The following SMC4 variants were observed in gnomAD, a reference collection of about 807,000 sequenced individuals.
SMC4 encodes structural maintenance of chromosomes 4, also known as structural maintenance of chromosomes protein 4.
Under a neutral mutation model 145.6 loss-of-function variants are expected in SMC4, and 87 were observed. That is an observed-to-expected ratio of 0.60 (90% CI 0.50 to 0.71). The LOEUF (loss-of-function observed/expected upper bound fraction) is 0.71, where lower values mean the gene tolerates loss of function less well. SMC4 is among the 30% of genes least tolerant of loss of function. SMC4 has a pLI of 0.00. For synonymous variants in SMC4, 558 were observed against 500.7 expected (o/e 1.11, Z -1.53); for missense variants, 1,447 against 1,537.1 (o/e 0.94, Z 0.98).
In SMC4 at chr3:160,420,880, A is replaced by G. The variant is rs1160332645; in HGVS notation, c.1998A>G (p.Ala666=). The change falls in exon 13 of 24, where the codon GCA becomes GCG. Residue 666 remains alanine, a synonymous_variant. Transcript: ENST00000357388. ...TTAAAAGACAAAATATTGGAGTTGC[A>G]ACCTTTATAGGTTTAGATAAGGTGG... ...NFLKRQNIGV[A]TFIGLDKMAV... 3.1e-6 allele frequency: 5 copies of G among 1,612,622 alleles called. No individual in the cohort carries two copies. In the South Asian group the frequency reaches 5.5e-5, roughly 18 times the overall value.
chr3:160,406,007 A>G (rs1422185426), intron 5 of SMC4, among the ~76,000 whole-genome samples: 1 of 152,036 alleles, frequency 6.6e-6, no homozygotes, highest in Non-Finnish European at 1.5e-5. Flanking sequence ...TAACCCTTCT[A>G]AGGATAATTT....
intron 17 of SMC4, among the ~76,000 whole-genome samples, chr3:160,426,940 G>T (rs1447158270): frequency 6.6e-6 from 1 of 152,156 alleles, no homozygotes; most frequent in African/African-American, 2.4e-5. Flanking sequence ...TTTGCTTTGT[G>T]AGCCAAGGAA....
chr3:160,428,842 C>T lies in SMC4; in HGVS notation c.2695C>T (p.Leu899Phe), dbSNP rs771454094. The change falls in exon 18 of 24, where the codon CTC becomes TTC. Residue 899 changes from leucine (L) to phenylalanine (F), a missense_variant. Leu to Phe is a conservative substitution (Grantham distance 22). Coordinates refer to ENST00000357388, the MANE Select transcript of SMC4 (RefSeq NM_001002800.3). ...CATCGTAGAAATCAATAATCATAAACTCAAGGCCCAACAAGACAAACTTGA... is the reference window on the plus strand; with the variant it reads ...CATCGTAGAAATCAATAATCATAAATTCAAGGCCCAACAAGACAAACTTGA... ...NTIVEINNHKLKAQQDKLDKI... is the reference protein window; with the variant it reads ...NTIVEINNHKFKAQQDKLDKI... 1 of 1,607,022 alleles carries T rather than the reference C, an allele frequency of 6.2e-7. No individual in the cohort carries two copies. The highest frequency in any genetic ancestry group is 2.2e-5 in the East Asian group (1 of 44,610).
chr3:160,407,622 G>C (rs1202127261), intron 5 of SMC4, among the ~76,000 whole-genome samples: 1 of 151,242 alleles, frequency 6.6e-6, no homozygotes, highest in Non-Finnish European at 1.5e-5. Context: ...ATTAACCTAG[G>C]TCTGAGTTGT....
intron 5 of SMC4, among the ~76,000 whole-genome samples, chr3:160,410,006 G>A (rs1228530098): frequency 6.6e-6 from 1 of 152,124 alleles, no homozygotes; most frequent in Non-Finnish European, 1.5e-5. Flanking sequence ...AGTCTGAAAG[G>A]TCAAGGCTGC....
At chr3:160,405,278 CCTAT>C (rs1284786901) in intron 5 of SMC4, among the ~76,000 whole-genome samples, 1 of 151,296 alleles carries the variant, frequency 6.6e-6, no homozygotes, top group African/African-American at 2.4e-5. Context: ...AGAAAAATCC[CCTAT>C]CTTTTTTTCC....
At chr3:160,413,914 G>C in intron 8 of SMC4, 1 of 305,650 alleles carries the variant, frequency 3.3e-6, no homozygotes, top group Non-Finnish European at 6.1e-6. Context: ...CTGATAGAGG[G>C]ATAGGATTTG....
chr3:160,432,613 TACA>T (rs1393764668), intron 22 of SMC4, 98 bp downstream of exon 22: 1 of 766,582 alleles, frequency 1.3e-6, no homozygotes, highest in Non-Finnish European at 2.1e-6. Context: ...AGGCAAGATG[TACA>T]ACTTGTTTCA....
rs1181121921 is a variant in SMC4, at chr3:160,409,912, ATTTTT to A, written c.688-2003_688-1999del. Among the ~76,000 whole-genome samples the A allele has an allele frequency of 2.0e-5, 3 of 151,670 alleles. No individual in the cohort carries two copies. The South Asian group carries it at 6.3e-4, about 32-fold the overall frequency. On this transcript the variant is annotated intron_variant, in intron 5 of 23. Transcript: ENST00000357388. Reference sequence around the variant, plus strand: ...AGGGACCACCATGTGTACAAAAAAAATTTTTTTTTAAAGATTAGCTGGGTGTGGTG... The same window carrying A: ...AGGGACCACCATGTGTACAAAAAAAATTTTAAAGATTAGCTGGGTGTGGTG...
chr3:160,414,599 C>G (rs1475449607), intron 9 of SMC4, 82 bp downstream of exon 9: 1 of 1,249,660 alleles, frequency 8.0e-7, no homozygotes, highest in African/African-American at 1.5e-5. Flanking sequence ...CCCTTATTGC[C>G]TAAGAGAATG....
rs1377267589 is a variant in SMC4 at position 160,404,358 on chromosome 3, A to G, written c.541A>G (p.Ser181Gly). ...EGDDYEVIPN[S>G]NFYVSRTACR... The stretch of plus-strand genomic sequence containing the variant: ...GGATGATTATGAAGTCATTCCTAAC[A>G]GTAATTTCTATGTATCCAGAACGGC... The change falls in exon 5 of 24, where the codon AGT becomes GGT. Residue 181 changes from serine to glycine, a missense_variant. Physicochemically the swap from Ser to Gly is moderately conservative, Grantham distance 56. Transcript: ENST00000357388. The G allele has an allele frequency of 6.9e-6, 11 of 1,604,462 alleles. No individual in the cohort carries two copies. Among genetic ancestry groups the G allele is most frequent in the African/African-American group, 4.0e-5 (3 of 74,292 alleles).
chr3:160,402,646 C>T (rs754324180), intron 3 of SMC4, 30 bp from the exon 4 acceptor site: 6 of 1,585,564 alleles, frequency 3.8e-6, no homozygotes, highest in African/African-American at 1.4e-5. Context: ...ATGAACTTTT[C>T]CGTGTTTTGT....
rs1716764745 is a variant in SMC4 at position 160,417,969 on chromosome 3, TTC to T, written c.1671+17_1671+18del. The T allele has an allele frequency of 6.3e-7, 1 of 1,591,020 alleles. No homozygotes were observed. The highest frequency in any genetic ancestry group is 8.6e-7 in the Non-Finnish European group (1 of 1,163,454). On this transcript the variant is annotated intron_variant, in intron 11 of 23. Coordinates refer to ENST00000357388, the MANE Select transcript of SMC4 (RefSeq NM_001002800.3). ...AGAATTAAAGGAGGTAAATCTTTGC[TTC>T]TCTGTTGCATCAGAACATCATTCGT...
chr3:160,413,583 C>G lies in SMC4; in HGVS notation c.1091C>G (p.Ala364Gly). The G allele has an allele frequency of 6.9e-7, 1 of 1,457,350 alleles. No individual in the cohort carries two copies. The highest frequency in any genetic ancestry group is 1.2e-5 in the South Asian group (1 of 80,802). The allele number at this position is 1,457,350 out of a possible 1,614,324, so 90.3% of individuals were successfully genotyped here. A position where few individuals can be genotyped will look rare whatever the true frequency, so the allele number is the denominator to read the frequency against. ...AATATACTATCAAATGAAATGAAAG[C>G]TAAGAATAAAGATGTAAAAGATACA... is the stretch of plus-strand genomic sequence containing the variant. ...KSNILSNEMK[A>G]KNKDVKDTEK... is the part of the protein sequence containing the mutation. The change falls in exon 8 of 24, where the codon GCT becomes GGT. Residue 364 changes from alanine (A) to glycine (G), a missense_variant. Coordinates refer to ENST00000357388, the MANE Select transcript of SMC4 (RefSeq NM_001002800.3).
At chr3:160,418,926 C>G (rs1050867904) in intron 11 of SMC4, among the ~76,000 whole-genome samples, 1 of 152,000 alleles carries the variant, frequency 6.6e-6, no homozygotes, top group East Asian at 1.9e-4. Context: ...TTCTCCAGTA[C>G]CCCCCAGCCC....
At chr3:160,430,508 A>G (rs1718283829) in intron 18 of SMC4, 91 bp from the exon 19 acceptor site, 1 of 1,127,706 alleles carries the variant, frequency 8.9e-7, no homozygotes, top group Non-Finnish European at 1.2e-6. Flanking sequence ...AAAATGTCAC[A>G]TTAAATTTCA....
rs567888979 is a variant in SMC4 at position 160,426,225 on chromosome 3, TG to T, written c.2605+31del. The T allele has an allele frequency of 1.8e-4, 278 of 1,552,604 alleles. 4 individuals are homozygous for T. In the South Asian group the frequency reaches 3.0e-3, roughly 17 times the overall value. Reference sequence around the variant, plus strand: ...GGTATGTTTAGAGATAGACCTTTTTTGGGGGGAAAAAAAAAACAGGTTTTTA... The same window carrying T: ...GGTATGTTTAGAGATAGACCTTTTTTGGGGGAAAAAAAAAACAGGTTTTTA... On this transcript the variant is annotated intron_variant, in intron 17 of 23. Coordinates refer to ENST00000357388, the MANE Select transcript of SMC4 (RefSeq NM_001002800.3).
rs773825511 is a variant in SMC4 at position 160,431,723 on chromosome 3, G to A, written c.3195G>A (p.Ala1065=). 1.5e-5 allele frequency: 24 copies of A among 1,613,556 alleles called. No homozygotes were observed. Among genetic ancestry groups the A allele is most frequent in the Admixed American group, 1.2e-4 (7 of 59,934 alleles). The part of the protein sequence containing the change: ...ISVLSPEDLE[A]IKNPDSITNQ... ...TTCTAAGCCCAGAGGATCTTGAAGCGATCAAGAATCCAGATTCTATAACAA... is the reference window on the plus strand; with the variant it reads ...TTCTAAGCCCAGAGGATCTTGAAGCAATCAAGAATCCAGATTCTATAACAA... The change falls in exon 21 of 24, where the codon GCG becomes GCA. Residue 1065 remains alanine (A), a synonymous_variant. Transcript: ENST00000357388.
At chr3:160,420,622 C>G in intron 12 of SMC4, 118 bp from the exon 13 acceptor site, 1 of 1,041,050 alleles carries the variant, frequency 9.6e-7, no homozygotes, top group Non-Finnish European at 1.4e-6. Flanking sequence ...CTTTTGTTCT[C>G]TTTAAAACCA....
Sources: gnomAD v4.1 joint callset for allele counts (sites outside exome capture counted in the v4.1 genomes callset) on GRCh38, gnomAD v4.1.1 for gene constraint, MANE v1.5 for transcripts, NCBI Gene and HGNC (gene_info 2026-07-23, HGNC 2026-07-21) for gene names.